VTI1A: variants seen among roughly 807,000 people sequenced by gnomAD.
VTI1A encodes the protein vesicle transport through interaction with t-SNAREs 1A, also known as vesicle transport through interaction with t-SNAREs homolog 1A.
A neutral mutation model predicts 34.9 loss-of-function variants in VTI1A; 22 were observed. That is an observed-to-expected ratio of 0.63 (90% CI 0.45 to 0.90). The LOEUF is 0.90. VTI1A is among the 40% of genes least tolerant of loss of function. The pLI is 0.00. For synonymous variants in VTI1A, 87 were observed against 97.3 expected, an observed-to-expected ratio of 0.89 and a Z score of 0.62; for missense variants, 268 against 275.6, an observed-to-expected ratio of 0.97 and a Z score of 0.20.
At chr10:112,729,335 A>G (rs1229158140) in intron 7 of VTI1A, among the ~76,000 whole-genome samples, 1 of 152,236 alleles carries the variant, frequency 6.6e-6, no homozygotes, top group African/African-American at 2.4e-5. Flanking sequence ...CTCTGGGAAT[A>G]AAAATATGAA....
rs573049518 is a variant in VTI1A, at chr10:112,584,177, C to T, written c.427+45847C>T. ...TGTATCCTTTTTCATTAATTCCCCT[C>T]CTCTCCGTAGTATTATTATGGTAGT... On this transcript the variant is annotated intron_variant, in intron 5 of 7. Coordinates refer to ENST00000393077, the MANE Select transcript of VTI1A (RefSeq NM_145206.4). Among the ~76,000 whole-genome samples, 7 of 152,320 alleles carry T rather than the reference C, an allele frequency of 4.6e-5. No individual in the cohort carries two copies. The South Asian group carries it at 1.5e-3, about 32-fold the overall frequency.
intron 2 of VTI1A, among the ~76,000 whole-genome samples, chr10:112,461,893 G>C (rs1185501093): frequency 3.3e-5 from 5 of 152,172 alleles, no homozygotes; most frequent in Non-Finnish European, 7.3e-5. Context: ...TTGTTTGTTT[G>C]TTTGTAGAGA....
At chr10:112,536,878 A>G (rs1365071502) in intron 4 of VTI1A, among the ~76,000 whole-genome samples, 1 of 152,064 alleles carries the variant, frequency 6.6e-6, no homozygotes, top group Non-Finnish European at 1.5e-5. Flanking sequence ...GTGAATGGTA[A>G]TGATAACATA....
intron 7 of VTI1A, among the ~76,000 whole-genome samples, chr10:112,763,257 G>A (rs1048264292): frequency 3.3e-5 from 5 of 151,940 alleles, no homozygotes; most frequent in South Asian, 2.1e-4. Flanking sequence ...TGGCTAACAC[G>A]GTGAAACCCT....
intron 3 of VTI1A, among the ~76,000 whole-genome samples, chr10:112,495,359 C>G (rs115502221): frequency 1.7e-4 from 26 of 152,174 alleles, no homozygotes; most frequent in African/African-American, 5.8e-4. Flanking sequence ...TTTGCTTTCT[C>G]TCTAGGAGAG....
chr10:112,671,043 A>G (rs930319968), intron 7 of VTI1A, among the ~76,000 whole-genome samples: 1 of 152,216 alleles, frequency 6.6e-6, no homozygotes, highest in African/African-American at 2.4e-5. Flanking sequence ...ATGATATACA[A>G]TGTATTTTGG....
At chr10:112,648,218 A>T (rs1846877868) in intron 5 of VTI1A, among the ~76,000 whole-genome samples, 1 of 152,326 alleles carries the variant, frequency 6.6e-6, no homozygotes, top group East Asian at 1.9e-4. Context: ...AAAATTTAAG[A>T]AGTCAGAAAT....
chr10:112,465,232 C>A (rs531926436), intron 3 of VTI1A, among the ~76,000 whole-genome samples: 28 of 151,906 alleles, frequency 1.8e-4, no homozygotes, highest in South Asian at 6.2e-4. Flanking sequence ...ATATATCTGG[C>A]TTTCAACCGT....
At chr10:112,648,461 C>T (rs920382815) in intron 5 of VTI1A, among the ~76,000 whole-genome samples, 1 of 152,268 alleles carries the variant, frequency 6.6e-6, no homozygotes, top group South Asian at 2.1e-4. Context: ...GCTCAGTGCA[C>T]CAGACTCTAA....
intron 1 of VTI1A, among the ~76,000 whole-genome samples, chr10:112,454,194 A>G (rs1387125183): frequency 1.3e-5 from 2 of 152,244 alleles, no homozygotes; most frequent in African/African-American, 2.4e-5. Flanking sequence ...ACATATCTAC[A>G]TTGCACAAAG....
intron 7 of VTI1A, among the ~76,000 whole-genome samples, chr10:112,777,969 G>A (rs1056016222): frequency 2.0e-5 from 3 of 152,136 alleles, no homozygotes; most frequent in Admixed American, 6.5e-5. Flanking sequence ...GGGCATGGTG[G>A]CGCATGCATG....
At chr10:112,594,419 T>C (rs60041341) in intron 5 of VTI1A, among the ~76,000 whole-genome samples, 13,866 of 152,126 alleles carry the variant, frequency 0.091, 705 homozygotes, top group Non-Finnish European at 0.11. Flanking sequence ...AACCCCATTG[T>C]CTCAGCCCAA....
intron 5 of VTI1A, among the ~76,000 whole-genome samples, chr10:112,586,715 G>T (rs1247253357): frequency 6.6e-6 from 1 of 152,060 alleles, no homozygotes; most frequent in African/African-American, 2.4e-5. Flanking sequence ...AACAATTGTG[G>T]TTAACAAAGT....
chr10:112,739,357 A>G (rs1850610652), intron 7 of VTI1A, among the ~76,000 whole-genome samples: 1 of 152,098 alleles, frequency 6.6e-6, no homozygotes, highest in South Asian at 2.1e-4. Context: ...TCCCCAGTCT[A>G]TCATGCCTTA....
rs370817781 is a variant in VTI1A at position 112,687,469 on chromosome 10, G to A, written c.560+18471G>A. ...AGGATGGTCTCGATCTCCTGACCTC[G>A]TGATCTGCCCGCCTCGGCCTCCCAA... On this transcript the variant is annotated intron_variant, in intron 7 of 7. Transcript: ENST00000393077. 3.4e-3 allele frequency among the ~76,000 whole-genome samples: 520 copies of A among 151,552 alleles called. 5 individuals are homozygous for A. The highest frequency in any genetic ancestry group is 0.012 in the African/African-American group (487 of 41,344).
chr10:112,668,566 G>A (rs1305041093), intron 6 of VTI1A, among the ~76,000 whole-genome samples: 7 of 152,114 alleles, frequency 4.6e-5, no homozygotes, highest in Non-Finnish European at 1.0e-4. Flanking sequence ...CTTTTAGAGT[G>A]AAAACTATAG....
At chr10:112,736,723 G>T (rs1047802301) in intron 7 of VTI1A, 27 of 1,551,456 alleles carry the variant, frequency 1.7e-5, no homozygotes, top group Non-Finnish European at 2.3e-5. Flanking sequence ...CTGTTCACAG[G>T]GGTTGTTCTG....
chr10:112,504,356 TA>T (rs1849349789), intron 3 of VTI1A, among the ~76,000 whole-genome samples: 1 of 152,158 alleles, frequency 6.6e-6, no homozygotes, highest in African/African-American at 2.4e-5. Flanking sequence ...TACAAGCGTA[TA>T]TTCTCCCCCA....
rs576788674 is a variant in VTI1A at position 112,737,625 on chromosome 10, CTA to C, written c.560+68629_560+68630del. On this transcript the variant is annotated intron_variant, in intron 7 of 7. Transcript: ENST00000393077. The stretch of plus-strand genomic sequence containing the variant: ...GCTCTGTGATCTGAAGGCAAAGCCT[CTA>C]TGTGTGAAACACAGGGGTACCTCAA... The C allele has an allele frequency of 5.6e-5, 59 of 1,049,184 alleles. No individual in the cohort carries two copies. In the African/African-American group the frequency reaches 7.5e-4, roughly 13 times the overall value. 65.0% of individuals were successfully genotyped at this position (1,049,184 alleles called of 1,614,324 possible).
Sources: allele counts gnomAD v4.1 joint callset (sites outside exome capture counted in the v4.1 genomes callset), GRCh38; gene constraint gnomAD v4.1.1; transcripts MANE v1.5; gene names NCBI Gene and HGNC (gene_info 2026-07-23, HGNC 2026-07-21).